Variants in ATXN1 observed in about 807,000 individuals in gnomAD.
The protein encoded by ATXN1 is ataxin 1, also known as ataxin-1.
A neutral mutation model predicts 56.4 loss-of-function variants in ATXN1; 8 were observed. The observed-to-expected ratio is 0.14, with a 90% CI of 0.08 to 0.26. The LOEUF (loss-of-function observed/expected upper bound fraction) is 0.26, where lower values mean the gene tolerates loss of function less well. Ranked by LOEUF, ATXN1 falls within the 10% of genes least tolerant of loss-of-function variation. The pLI is 1.00. For missense variants in ATXN1, 987 were observed against 1,106.5 expected, an observed-to-expected ratio of 0.89 and a Z score of 1.53; for synonymous variants, 514 against 494.6, an observed-to-expected ratio of 1.04 and a Z score of -0.52.
chr6:16,574,476 T>C (rs1487350832), intron 4 of ATXN1, among the ~76,000 whole-genome samples: 1 of 152,122 alleles, frequency 6.6e-6, no homozygotes. Context: ...CCCAAAGTGT[T>C]GGGATTACAG....
At chr6:16,320,085 G>A (rs757489664) in intron 7 of ATXN1, among the ~76,000 whole-genome samples, 3 of 152,186 alleles carry the variant, frequency 2.0e-5, no homozygotes, top group Non-Finnish European at 4.4e-5. Context: ...ATGTTGGCAA[G>A]TGGGTCTGCC....
chr6:16,523,311 T>G (rs1761330107), intron 4 of ATXN1, among the ~76,000 whole-genome samples: 1 of 152,204 alleles, frequency 6.6e-6, no homozygotes, highest in Non-Finnish European at 1.5e-5. Context: ...AGCCACTTGC[T>G]CACGTGCACA....
chr6:16,315,755 T>G (rs1760493465), intron 7 of ATXN1, among the ~76,000 whole-genome samples: 1 of 152,168 alleles, frequency 6.6e-6, no homozygotes, highest in African/African-American at 2.4e-5. Context: ...CTTGACCTCG[T>G]GGGCTCAAGA....
intron 4 of ATXN1, among the ~76,000 whole-genome samples, chr6:16,552,169 C>G (rs1047821446): frequency 1.3e-4 from 20 of 152,160 alleles, no homozygotes; most frequent in African/African-American, 4.8e-4. Flanking sequence ...GAGAGGCTGG[C>G]TCTAGAAACA....
intron 6 of ATXN1, among the ~76,000 whole-genome samples, chr6:16,342,644 T>TA (rs1761278545): frequency 6.6e-6 from 1 of 152,150 alleles, no homozygotes; most frequent in African/African-American, 2.4e-5. Flanking sequence ...GAATAAACTT[T>TA]AAAAATGTGG....
intron 5 of ATXN1, among the ~76,000 whole-genome samples, chr6:16,495,468 T>C (rs932055996): frequency 2.5e-4 from 38 of 152,338 alleles, no homozygotes; most frequent in African/African-American, 8.7e-4. Flanking sequence ...AACACGACCT[T>C]GGAAGCATCC....
rs187403658 is a variant in ATXN1 at position 16,629,231 on chromosome 6, T to C, written c.-489+28545A>G. On this transcript the variant is annotated intron_variant, in intron 3 of 7. Transcript: ENST00000436367. Reference sequence around the variant, plus strand: ...TGCGTTGCTCTAATGACCAGCGATATTGAGCTGCTTTTCATATTCTTATTG... The same window carrying C: ...TGCGTTGCTCTAATGACCAGCGATACTGAGCTGCTTTTCATATTCTTATTG... Among the ~76,000 whole-genome samples the C allele has an allele frequency of 2.0e-4, 31 of 152,348 alleles. No homozygotes were observed. The East Asian group carries it at 4.0e-3, about 20-fold the overall frequency.
intron 2 of ATXN1, among the ~76,000 whole-genome samples, chr6:16,681,983 T>C (rs947931142): frequency 6.6e-6 from 1 of 152,184 alleles, no homozygotes; most frequent in Non-Finnish European, 1.5e-5. Flanking sequence ...AAAGTCCCCC[T>C]GAACCAGAAG....
rs570450465 is a variant in ATXN1 at position 16,697,492 on chromosome 6, T to G, written c.-614-39591A>C. 1.6e-4 allele frequency among the ~76,000 whole-genome samples: 24 copies of G among 152,280 alleles called. No homozygotes were observed. The East Asian group carries it at 4.4e-3, about 28-fold the overall frequency. ...CTCTAGGGCTTTTCTTCTTTCCACT[T>G]AAATCCTTTTTCCCACCCAGTGCTC... On this transcript the variant is annotated intron_variant, in intron 2 of 7. Coordinates refer to ENST00000436367, the MANE Select transcript of ATXN1 (RefSeq NM_001128164.2).
chr6:16,684,902 T>C (rs1758885283), intron 2 of ATXN1, among the ~76,000 whole-genome samples: 1 of 152,078 alleles, frequency 6.6e-6, no homozygotes, highest in African/African-American at 2.4e-5. Context: ...GCCTTCATGT[T>C]CTAAGAGTGA....
At chr6:16,679,753 A>G (rs367830008) in intron 2 of ATXN1, among the ~76,000 whole-genome samples, 8 of 152,304 alleles carry the variant, frequency 5.3e-5, no homozygotes, top group South Asian at 2.1e-4. Context: ...GTATTGTATC[A>G]CTACAGTTAA....
At chr6:16,391,161 CAAAAAAAAA>C (rs35472967) in intron 6 of ATXN1, among the ~76,000 whole-genome samples, 1 of 56,408 alleles carries the variant, frequency 1.8e-5, no homozygotes, top group Non-Finnish European at 3.5e-5. Context: ...GACTCCATCT[CAAAAAAAAA>C]AAAAAAAAAA....
In ATXN1 at chr6:16,749,420, G is replaced by A. The variant is rs77134018; in HGVS notation, c.-615+3813C>T. Among the ~76,000 whole-genome samples, 15 of 152,288 alleles carry A rather than the reference G, an allele frequency of 9.8e-5. No individual in the cohort carries two copies. In the East Asian group the frequency reaches 1.5e-3, roughly 16 times the overall value. On this transcript the variant is annotated intron_variant, in intron 2 of 7. Coordinates refer to ENST00000436367, the MANE Select transcript of ATXN1 (RefSeq NM_001128164.2). ...ATTTGTTTAACGAGATACCGCATAC[G>A]CTGAATTTCAAACGCAGCATTCATT... is the stretch of plus-strand genomic sequence containing the variant.
intron 4 of ATXN1, among the ~76,000 whole-genome samples, chr6:16,547,225 T>C (rs1761830867): frequency 6.6e-6 from 1 of 152,200 alleles, no homozygotes; most frequent in African/African-American, 2.4e-5. Flanking sequence ...TGCACTCCTT[T>C]TCCTTCCAAA....
chr6:16,443,337 G>A (rs573881602), intron 6 of ATXN1, among the ~76,000 whole-genome samples: 6 of 151,454 alleles, frequency 4.0e-5, no homozygotes, highest in African/African-American at 1.5e-4. Flanking sequence ...AGACTTCAAC[G>A]ACTTCACCTT....
chr6:16,527,608 C>G (rs1176240154), intron 4 of ATXN1, among the ~76,000 whole-genome samples: 1 of 152,130 alleles, frequency 6.6e-6, no homozygotes, highest in African/African-American at 2.4e-5. Flanking sequence ...CCTGGTCCAG[C>G]CGATGCAATT....
At chr6:16,415,669 C>T (rs1249108455) in intron 6 of ATXN1, among the ~76,000 whole-genome samples, 1 of 152,246 alleles carries the variant, frequency 6.6e-6, no homozygotes, top group Non-Finnish European at 1.5e-5. Flanking sequence ...TCACACTAGT[C>T]CAGCCTTGGG....
At chr6:16,473,115 C>G (rs1351764468) in intron 6 of ATXN1, among the ~76,000 whole-genome samples, 1 of 152,100 alleles carries the variant, frequency 6.6e-6, no homozygotes, top group Non-Finnish European at 1.5e-5. Context: ...TCTGTATGTT[C>G]TTTTTTAATG....
At chr6:16,414,343 TA>T (rs1014757745) in intron 6 of ATXN1, among the ~76,000 whole-genome samples, 9 of 152,222 alleles carry the variant, frequency 5.9e-5, no homozygotes, top group African/African-American at 2.2e-4. Flanking sequence ...CGGTCACTGT[TA>T]AAACCCATCC....
Sources: gnomAD v4.1 joint callset for allele counts (sites outside exome capture counted in the v4.1 genomes callset) on GRCh38, gnomAD v4.1.1 for gene constraint, MANE v1.5 for transcripts, NCBI Gene and HGNC (gene_info 2026-07-23, HGNC 2026-07-21) for gene names.